The following SCCPDH variants were observed in gnomAD, a reference collection of about 807,000 sequenced individuals.
SCCPDH encodes the protein saccharopine dehydrogenase-like oxidoreductase.
A neutral mutation model predicts 51.5 loss-of-function variants in SCCPDH; 34 were observed. The ratio of observed to expected loss-of-function variants is 0.66; its 90% CI spans 0.50 to 0.88. SCCPDH has a LOEUF of 0.88. Ranked by LOEUF, SCCPDH falls within the 40% of genes least tolerant of loss-of-function variation. The pLI, the probability that SCCPDH is intolerant of heterozygous loss-of-function variation, is 0.00. For missense variants in SCCPDH, 464 were observed against 527.1 expected (o/e 0.88, Z 1.17); for synonymous variants, 187 against 191.3 (o/e 0.98, Z 0.19).
intron 5 of SCCPDH, among the ~76,000 whole-genome samples, chr1:246,753,879 G>C (rs1327413416): frequency 6.6e-6 from 1 of 151,980 alleles, no homozygotes; most frequent in Non-Finnish European, 1.5e-5. Context: ...GGGGACAATG[G>C]GGATAGGAGA....
At chr1:246,764,181 T>C in intron 9 of SCCPDH, 65 bp from the exon 10 acceptor site, 1 of 957,270 alleles carries the variant, frequency 1.0e-6, no homozygotes, top group East Asian at 2.4e-5. Flanking sequence ...GAATAGTCGG[T>C]TTTACTATGT....
chr1:246,748,132 T>A (rs1668789945), intron 5 of SCCPDH, among the ~76,000 whole-genome samples: 1 of 152,114 alleles, frequency 6.6e-6, no homozygotes, highest in Non-Finnish European at 1.5e-5. Flanking sequence ...AAGAAAAAGC[T>A]GATCTGAATA....
At chr1:246,754,027 G>C (rs904324200) in intron 5 of SCCPDH, among the ~76,000 whole-genome samples, 1 of 151,890 alleles carries the variant, frequency 6.6e-6, no homozygotes, top group Non-Finnish European at 1.5e-5. Context: ...TCTTGCTTGG[G>C]GTATTTCCCA....
At chr1:246,751,513 A>G (rs1026555378) in intron 5 of SCCPDH, among the ~76,000 whole-genome samples, 14 of 151,702 alleles carry the variant, frequency 9.2e-5, no homozygotes, top group Middle Eastern at 6.8e-3. Context: ...TCCTTTTACC[A>G]AAAGTATATT....
intron 5 of SCCPDH, among the ~76,000 whole-genome samples, chr1:246,756,875 T>C (rs2102989451): frequency 6.6e-6 from 1 of 152,350 alleles, no homozygotes; most frequent in Non-Finnish European, 1.5e-5. Flanking sequence ...CATATCCCTC[T>C]TTGAAAATCT....
intron 2 of SCCPDH, among the ~76,000 whole-genome samples, 161 bp downstream of exon 2, chr1:246,727,165 A>G (rs1439473085): frequency 2.0e-5 from 3 of 152,216 alleles, no homozygotes; most frequent in African/African-American, 4.8e-5. Context: ...GAGATGACCA[A>G]AGTCTCCTGA....
chr1:246,725,135 G>A (rs191657302), intron 1 of SCCPDH, among the ~76,000 whole-genome samples: 8 of 152,302 alleles, frequency 5.3e-5, no homozygotes, highest in African/African-American at 1.7e-4. Flanking sequence ...CTTGTTTTGT[G>A]TGTAAGAATA....
chr1:246,725,490 C>CCACG (rs35908888), intron 1 of SCCPDH, among the ~76,000 whole-genome samples: 9 of 152,206 alleles, frequency 5.9e-5, no homozygotes, highest in African/African-American at 2.2e-4. Context: ...TATTAACTCC[C>CCACG]GTAGATTTCC....
chr1:246,753,762 T>C (rs1668890124), intron 5 of SCCPDH, among the ~76,000 whole-genome samples: 1 of 151,600 alleles, frequency 6.6e-6, no homozygotes, highest in Admixed American at 6.6e-5. Flanking sequence ...CTGAAAATCC[T>C]TTTTACATTG....
At chr1:246,736,693 C>T (rs1010881133) in intron 3 of SCCPDH, among the ~76,000 whole-genome samples, 8 of 151,048 alleles carry the variant, frequency 5.3e-5, no homozygotes, top group African/African-American at 9.8e-5. Context: ...AGAGCGAGAG[C>T]GAGACTCTGT....
At chr1:246,766,929 A>C (rs1572310507) in intron 11 of SCCPDH, among the ~76,000 whole-genome samples, 1 of 152,190 alleles carries the variant, frequency 6.6e-6, no homozygotes, top group Non-Finnish European at 1.5e-5. Context: ...GATGGCGCAC[A>C]GTGCACCCAC....
intron 9 of SCCPDH, among the ~76,000 whole-genome samples, chr1:246,761,455 A>G (rs1257050732): frequency 6.6e-6 from 1 of 152,208 alleles, no homozygotes; most frequent in African/African-American, 2.4e-5. Flanking sequence ...GAGTGGTATT[A>G]AGTACATTCA....
Position 246,767,541 on chromosome 1 carries a change from G to A in SCCPDH, c.*241G>A. ...TATTTGACATATTTTTTTCATTGATGTGTTCCTGGTAGATTTTCACGAATG... is the reference window on the plus strand; with the variant it reads ...TATTTGACATATTTTTTTCATTGATATGTTCCTGGTAGATTTTCACGAATG... On this transcript the variant is annotated 3_prime_UTR_variant, in exon 12 of 12. Coordinates refer to ENST00000366510, the MANE Select transcript of SCCPDH (RefSeq NM_016002.3). 4.1e-6 allele frequency: 1 copy of A among 245,374 alleles called. No homozygotes were observed. The highest frequency in any genetic ancestry group is 7.8e-6 in the Non-Finnish European group (1 of 128,860). 15.2% of individuals were successfully genotyped at this position (245,374 alleles called of 1,614,324 possible). A position where few individuals can be genotyped will look rare whatever the true frequency, so the allele number is the denominator to read the frequency against.
chr1:246,739,977 T>C (rs749582314), intron 3 of SCCPDH, among the ~76,000 whole-genome samples, 195 bp from the exon 4 acceptor site: 10 of 152,238 alleles, frequency 6.6e-5, no homozygotes, highest in Non-Finnish European at 1.3e-4. Context: ...GCACAACTTC[T>C]GTACCACCTG....
intron 2 of SCCPDH, among the ~76,000 whole-genome samples, chr1:246,731,020 A>G (rs1668483181): frequency 6.6e-6 from 1 of 152,222 alleles, no homozygotes; most frequent in Non-Finnish European, 1.5e-5. Flanking sequence ...AGATTGCGCC[A>G]TTGTATTCAA....
chr1:246,737,167 TAAAATACTGG>T lies in SCCPDH; in HGVS notation c.384+1122_384+1131del, dbSNP rs1252555641. On this transcript the variant is annotated intron_variant, in intron 3 of 11. Transcript: ENST00000366510. ...TATGCATTTGCAGTTTATCAATTGG[TAAAATACTGG>T]AAAATACTGAGACAGTGTAAATTAC... Among the ~76,000 whole-genome samples, 66 of 149,412 alleles carry T rather than the reference TAAAATACTGG, an allele frequency of 4.4e-4. 1 individual carries two copies. Among genetic ancestry groups the T allele is most frequent in the Non-Finnish European group, 1.3e-4 (9 of 67,508 alleles).
Position 246,758,767 on chromosome 1 carries a change from T to C in SCCPDH, c.696-267T>C, listed in dbSNP as rs529761980. Among the ~76,000 whole-genome samples, 8 of 152,294 alleles carry C rather than the reference T, an allele frequency of 5.3e-5. No individual in the cohort carries two copies. In the East Asian group the frequency reaches 1.5e-3, roughly 29 times the overall value. ...GTTTAGTTTTATACTGCAGGACATA[T>C]GTGAGAAGTTTAGAGGTAAGAATTT... On this transcript the variant is annotated intron_variant, in intron 6 of 11. Transcript: ENST00000366510.
intron 5 of SCCPDH, among the ~76,000 whole-genome samples, chr1:246,745,837 G>C (rs937684127): frequency 4.6e-5 from 7 of 152,160 alleles, no homozygotes; most frequent in Non-Finnish European, 1.0e-4. Context: ...GGCCGGGCAT[G>C]GTGGCTCACG....
intron 11 of SCCPDH, 120 bp from the exon 12 acceptor site, chr1:246,767,075 C>G: frequency 1.7e-6 from 1 of 575,598 alleles, no homozygotes; most frequent in Non-Finnish European, 2.9e-6. Flanking sequence ...CAAAGGTAGC[C>G]GTGATTACCA....
Sources: allele counts gnomAD v4.1 joint callset (sites outside exome capture counted in the v4.1 genomes callset), GRCh38; gene constraint gnomAD v4.1.1; transcripts MANE v1.5; gene names NCBI Gene and HGNC (gene_info 2026-07-23, HGNC 2026-07-21).